ADAMTSL1: variants seen among roughly 807,000 people sequenced by gnomAD.
ADAMTSL1 encodes the protein ADAMTS like 1.
Under a neutral mutation model 201.8 loss-of-function variants are expected in ADAMTSL1, and 126 were observed. That is an observed-to-expected ratio of 0.62 (90% CI 0.54 to 0.72). The LOEUF (loss-of-function observed/expected upper bound fraction) is 0.72. Among genes scored for constraint, ADAMTSL1 ranks in the 30% least tolerant of loss-of-function variants. ADAMTSL1 has a pLI of 0.00. For synonymous variants in ADAMTSL1, 1,121 were observed against 903.4 expected (o/e 1.24, Z -4.32); for missense variants, 2,679 against 2,277.8 (o/e 1.18, Z -3.59).
chr9:18,256,303 A>G (rs1441692218), intron 2 of ADAMTSL1, among the ~76,000 whole-genome samples: 1 of 152,204 alleles, frequency 6.6e-6, no homozygotes, highest in Non-Finnish European at 1.5e-5. Flanking sequence ...TTTGACAAAG[A>G]TGGAAGACGC....
At chr9:18,905,718 A>G (rs1230380658) in intron 26 of ADAMTSL1, 64 bp from the exon 27 acceptor site, 2 of 1,323,898 alleles carry the variant, frequency 1.5e-6, no homozygotes, top group Admixed American at 2.0e-5. Flanking sequence ...ATGCAGCCCA[A>G]GCACGGCGGC....
At chr9:18,445,565 T>A (rs927688200) in intron 2 of ADAMTSL1, among the ~76,000 whole-genome samples, 5 of 152,164 alleles carry the variant, frequency 3.3e-5, no homozygotes, top group Non-Finnish European at 5.9e-5. Context: ...ATTTTATTGA[T>A]GGGTAAACTG....
intron 2 of ADAMTSL1, among the ~76,000 whole-genome samples, chr9:18,524,410 T>C (rs1022452640): frequency 1.4e-4 from 21 of 152,168 alleles, no homozygotes; most frequent in Non-Finnish European, 2.9e-4. Context: ...ACTTCCTCTT[T>C]TCCTAATTGA....
chr9:18,158,180 A>G (rs925092545), intron 1 of ADAMTSL1, among the ~76,000 whole-genome samples: 1 of 151,868 alleles, frequency 6.6e-6, no homozygotes, highest in African/African-American at 2.4e-5. Context: ...GGTTGTTGAT[A>G]CTCATGTTTG....
chr9:18,620,130 T>G (rs888389808), intron 4 of ADAMTSL1, among the ~76,000 whole-genome samples: 4 of 151,280 alleles, frequency 2.6e-5, no homozygotes, highest in Non-Finnish European at 5.9e-5. Flanking sequence ...CTCCCTTCCA[T>G]TGTTAACTCT....
At chr9:18,035,134 C>T (rs1821136296) in intron 1 of ADAMTSL1, among the ~76,000 whole-genome samples, 1 of 152,166 alleles carries the variant, frequency 6.6e-6, no homozygotes, top group Admixed American at 6.6e-5. Context: ...ATAAATTGTG[C>T]TTAAGTTAGT....
At chr9:18,030,165 A>T (rs987111150) in intron 1 of ADAMTSL1, among the ~76,000 whole-genome samples, 22 of 152,242 alleles carry the variant, frequency 1.4e-4, no homozygotes, top group African/African-American at 5.1e-4. Flanking sequence ...CAACAATGAT[A>T]GACCGGATTA....
chr9:18,414,767 C>T (rs1304592908), intron 2 of ADAMTSL1, among the ~76,000 whole-genome samples: 1 of 152,144 alleles, frequency 6.6e-6, no homozygotes, highest in Non-Finnish European at 1.5e-5. Context: ...TGAAAACCTG[C>T]AGAGAATCAC....
chr9:18,547,113 A>G (rs1820514322), intron 3 of ADAMTSL1, among the ~76,000 whole-genome samples: 1 of 152,144 alleles, frequency 6.6e-6, no homozygotes, highest in Admixed American at 6.6e-5. Flanking sequence ...TTTTGACTAC[A>G]TGCAAAGCAT....
chr9:18,499,650 G>T (rs1202571141), intron 1 of ADAMTSL1, among the ~76,000 whole-genome samples: 1 of 152,152 alleles, frequency 6.6e-6, no homozygotes, highest in African/African-American at 2.4e-5. Context: ...CACATACACA[G>T]CTCCAGATAA....
At chr9:18,569,200 T>G (rs1822137854) in intron 3 of ADAMTSL1, among the ~76,000 whole-genome samples, 1 of 152,170 alleles carries the variant, frequency 6.6e-6, no homozygotes, top group Non-Finnish European at 1.5e-5. Flanking sequence ...TCCCACTGGA[T>G]AGTTGATTAA....
At chr9:18,723,235 A>G in intron 15 of ADAMTSL1, 1 of 638,102 alleles carries the variant, frequency 1.6e-6, no homozygotes, top group Non-Finnish European at 2.8e-6. Context: ...TGTAGGCAGA[A>G]GCATTAAACA....
At chr9:18,846,881 G>T (rs534361449) in intron 23 of ADAMTSL1, among the ~76,000 whole-genome samples, 1 of 152,288 alleles carries the variant, frequency 6.6e-6, no homozygotes, top group East Asian at 1.9e-4. Context: ...AAAGACATCA[G>T]ATTTGGGGGG....
chr9:18,879,409 T>C (rs1828383976), intron 23 of ADAMTSL1, among the ~76,000 whole-genome samples: 1 of 152,218 alleles, frequency 6.6e-6, no homozygotes, highest in Non-Finnish European at 1.5e-5. Flanking sequence ...TCCACAAAAC[T>C]GATCTTAGCC....
intron 2 of ADAMTSL1, among the ~76,000 whole-genome samples, chr9:18,344,683 G>T (rs1835622168): frequency 6.6e-6 from 1 of 152,112 alleles, no homozygotes; most frequent in Non-Finnish European, 1.5e-5. Flanking sequence ...CATTAACATT[G>T]ATACAGGAGC....
chr9:18,112,232 T>A (rs769402329), intron 1 of ADAMTSL1, among the ~76,000 whole-genome samples: 5 of 152,094 alleles, frequency 3.3e-5, no homozygotes, highest in Non-Finnish European at 7.4e-5. Context: ...GTCATTAAGG[T>A]CCTGTCCATT....
At chr9:18,088,432 A>C (rs1433703146) in intron 1 of ADAMTSL1, among the ~76,000 whole-genome samples, 1 of 152,212 alleles carries the variant, frequency 6.6e-6, no homozygotes, top group Non-Finnish European at 1.5e-5. Context: ...TAGACAGCAA[A>C]GGAAACAATC....
chr9:18,669,756 G>T (rs1348198478), intron 9 of ADAMTSL1, among the ~76,000 whole-genome samples: 1 of 152,128 alleles, frequency 6.6e-6, no homozygotes, highest in Non-Finnish European at 1.5e-5. Context: ...GAAGGGGCAG[G>T]TAAGATAGAG....
At chr9:17,964,696 C>T (rs1817908319) in intron 1 of ADAMTSL1, among the ~76,000 whole-genome samples, 1 of 152,016 alleles carries the variant, frequency 6.6e-6, no homozygotes, top group Non-Finnish European at 1.5e-5. Context: ...AAGATGTTAC[C>T]ATTAAGGTAA....
Sources: gnomAD v4.1 joint callset for allele counts (sites outside exome capture counted in the v4.1 genomes callset) on GRCh38, gnomAD v4.1.1 for gene constraint, MANE v1.5 for transcripts, NCBI Gene and HGNC (gene_info 2026-07-23, HGNC 2026-07-21) for gene names.